The following ABCB11 variants were observed in gnomAD, a reference collection of about 807,000 sequenced individuals.
ABCB11 encodes ATP binding cassette subfamily B member 11.
A neutral mutation model predicts 148.0 loss-of-function variants in ABCB11; 95 were observed. That is an observed-to-expected ratio of 0.64 (90% CI 0.54 to 0.76). ABCB11 has a LOEUF of 0.76. Ranked by LOEUF, ABCB11 falls within the 30% of genes least tolerant of loss-of-function variation. ABCB11 has a pLI of 0.00. For missense variants in ABCB11, 1,523 were observed against 1,617.8 expected, an observed-to-expected ratio of 0.94 and a Z score of 1.01; for synonymous variants, 591 against 555.4, an observed-to-expected ratio of 1.06 and a Z score of -0.90.
intron 18 of ABCB11, among the ~76,000 whole-genome samples, chr2:168,963,977 C>A (rs908482672): frequency 5.9e-5 from 9 of 151,794 alleles, no homozygotes; most frequent in Non-Finnish European, 1.2e-4. Context: ...CTCCGAAGTC[C>A]AGTTTTCATT....
chr2:168,951,034 T>C (rs1222629646), intron 19 of ABCB11, among the ~76,000 whole-genome samples: 1 of 151,730 alleles, frequency 6.6e-6, no homozygotes, highest in Non-Finnish European at 1.5e-5. Context: ...GAGTAGGGTG[T>C]CACTTCTTCA....
intron 25 of ABCB11, among the ~76,000 whole-genome samples, chr2:168,930,423 C>T (rs1353812765): frequency 6.6e-6 from 1 of 152,140 alleles, no homozygotes; most frequent in Non-Finnish European, 1.5e-5. Flanking sequence ...TTGCAGTGTG[C>T]CCAGTTTTCT....
chr2:169,005,068 T>C (rs1694980044), intron 5 of ABCB11, among the ~76,000 whole-genome samples: 1 of 152,096 alleles, frequency 6.6e-6, no homozygotes, highest in South Asian at 2.1e-4. Flanking sequence ...GGGAGTGAAG[T>C]GGGCTCCGTG....
intron 18 of ABCB11, among the ~76,000 whole-genome samples, chr2:168,960,940 T>C (rs1693044902): frequency 2.7e-5 from 4 of 150,628 alleles, no homozygotes; most frequent in Non-Finnish European, 5.9e-5. Context: ...TGTACTTCTA[T>C]TGTAGCACTG....
In ABCB11 at chr2:168,971,835, G is replaced by A; in HGVS notation, c.1638+12C>T. The A allele has an allele frequency of 1.2e-6, 2 of 1,611,528 alleles. No homozygotes were observed. Among genetic ancestry groups the A allele is most frequent in the Non-Finnish European group, 8.5e-7 (1 of 1,178,262 alleles). On this transcript the variant is annotated intron_variant, in intron 14 of 27. Coordinates refer to ENST00000650372, the MANE Select transcript of ABCB11 (RefSeq NM_003742.4). ...CTCTTAGTTTCTCCCAGGAATGTAT[G>A]GCTAGGGGTACCTGTGGCAGGTCCA... is the stretch of plus-strand genomic sequence containing the variant.
At chr2:168,949,033 T>A (rs1414111154) in intron 19 of ABCB11, among the ~76,000 whole-genome samples, 1 of 151,630 alleles carries the variant, frequency 6.6e-6, no homozygotes, top group Non-Finnish European at 1.5e-5. Flanking sequence ...GTTGGCAAAT[T>A]CTATAGACTA....
At position 168,935,313 on chromosome 2, in the gene ABCB11, T is replaced by C. The variant is rs199940188; in HGVS notation, c.2927A>G (p.Gln976Arg). 3.6e-4 allele frequency: 574 copies of C among 1,614,066 alleles called. 1 individual carries two copies. In the Middle Eastern group the frequency reaches 5.1e-3, roughly 14 times the overall value. Reference sequence around the variant, plus strand: ...GCAGAATCCGTAAATATTGGCTTTCTGAATGGCTGTCTTGAAGGGCTTCTC... The same window carrying C: ...GCAGAATCCGTAAATATTGGCTTTCCGAATGGCTGTCTTGAAGGGCTTCTC... Reference protein sequence around the residue: ...ELEKPFKTAIQKANIYGFCFA... With the variant: ...ELEKPFKTAIRKANIYGFCFA... Residue 976 changes from glutamine to arginine, a missense_variant, in exon 23 of 28, where the codon CAG becomes CGG. Transcript: ENST00000650372.
intron 14 of ABCB11, among the ~76,000 whole-genome samples, chr2:168,971,061 T>C (rs1195359554): frequency 6.6e-6 from 1 of 152,028 alleles, no homozygotes; most frequent in East Asian, 1.9e-4. Flanking sequence ...GTGTTCAAGA[T>C]CACTGACTCT....
rs151195688 is a variant in ABCB11, at chr2:168,930,651, G to C, written c.3411+14C>G. On this transcript the variant is annotated intron_variant, in intron 25 of 27. Coordinates refer to ENST00000650372, the MANE Select transcript of ABCB11 (RefSeq NM_003742.4). The stretch of plus-strand genomic sequence containing the variant: ...TGCAGAAGGCAAAATTCTCAAAAAG[G>C]TTGCGTGGCTTACCACCTTCCCTTG... The C allele has an allele frequency of 6.7e-7, 1 of 1,484,154 alleles. No homozygotes were observed. The highest frequency in any genetic ancestry group is 9.0e-7 in the Non-Finnish European group (1 of 1,110,516). 91.9% of individuals were successfully genotyped at this position (1,484,154 alleles called of 1,614,324 possible).
At chr2:168,947,985 A>G (rs1042025604) in intron 19 of ABCB11, among the ~76,000 whole-genome samples, 8 of 151,560 alleles carry the variant, frequency 5.3e-5, no homozygotes, top group Admixed American at 1.3e-4. Flanking sequence ...CTAGAGCTGG[A>G]AGATATCTTA....
intron 1 of ABCB11, among the ~76,000 whole-genome samples, chr2:169,027,324 T>C (rs1265083893): frequency 6.6e-6 from 1 of 152,174 alleles, no homozygotes; most frequent in African/African-American, 2.4e-5. Context: ...CCCCAAGAAT[T>C]CTTAATTGTC....
intron 10 of ABCB11, 21 bp downstream of exon 10, chr2:168,986,089 C>A (rs778545298): frequency 1.3e-6 from 2 of 1,528,808 alleles, no homozygotes; most frequent in African/African-American, 2.8e-5. Context: ...TGCTATGTCT[C>A]GGTCAATAAG....
At chr2:168,972,948 G>A (rs180894707) in intron 13 of ABCB11, among the ~76,000 whole-genome samples, 39 of 152,012 alleles carry the variant, frequency 2.6e-4, no homozygotes, top group Non-Finnish European at 5.0e-4. Context: ...TACCTTTGGG[G>A]GTCATTGTGA....
At chr2:168,964,151 A>G in intron 18 of ABCB11, 55 bp downstream of exon 18, 3 of 1,336,718 alleles carry the variant, frequency 2.2e-6, no homozygotes, top group East Asian at 2.5e-5. Context: ...AGGGTACCCA[A>G]CAGTCCCCAG....
intron 16 of ABCB11, among the ~76,000 whole-genome samples, chr2:168,968,905 G>C (rs1335783925): frequency 6.6e-6 from 1 of 151,896 alleles, no homozygotes; most frequent in African/African-American, 2.4e-5. Context: ...AGAAAGTTTA[G>C]AGTGGTTGGT....
chr2:169,007,234 G>A (rs946880054), intron 5 of ABCB11, among the ~76,000 whole-genome samples: 1 of 151,908 alleles, frequency 6.6e-6, no homozygotes, highest in Admixed American at 6.5e-5. Flanking sequence ...TAAGGATTCT[G>A]AGATTAATCA....
chr2:168,943,053 G>T (rs1692139075), intron 21 of ABCB11, among the ~76,000 whole-genome samples: 1 of 151,834 alleles, frequency 6.6e-6, no homozygotes, highest in Admixed American at 6.6e-5. Flanking sequence ...AAAAGTATTA[G>T]AAAAATTCTG....
chr2:169,000,152 G>T (rs1451018224), intron 5 of ABCB11, among the ~76,000 whole-genome samples: 2 of 151,868 alleles, frequency 1.3e-5, no homozygotes, highest in African/African-American at 4.8e-5. Context: ...ACTGAAATTT[G>T]CTATTGTTAT....
At chr2:169,002,508 C>A (rs1247336146) in intron 5 of ABCB11, among the ~76,000 whole-genome samples, 1 of 152,150 alleles carries the variant, frequency 6.6e-6, no homozygotes. Flanking sequence ...CCCATGCACA[C>A]TGCAGCATTA....
Sources: allele counts gnomAD v4.1 joint callset (sites outside exome capture counted in the v4.1 genomes callset), GRCh38; gene constraint gnomAD v4.1.1; transcripts MANE v1.5; gene names NCBI Gene and HGNC (gene_info 2026-07-23, HGNC 2026-07-21).